The following MAEL variants were observed in gnomAD, a reference collection of about 807,000 sequenced individuals.
MAEL encodes protein maelstrom homolog.
In MAEL, 46 loss-of-function variants were observed where a neutral mutation model predicts 62.0. The observed-to-expected ratio is 0.74, with a 90% confidence interval of 0.59 to 0.95. MAEL has a LOEUF of 0.95. MAEL is among the 40% of genes least tolerant of loss of function. MAEL has a pLI of 0.00. For missense variants in MAEL, 497 were observed against 526.8 expected (o/e 0.94, Z 0.55); for synonymous variants, 172 against 175.5 (o/e 0.98, Z 0.16).
intron 1 of MAEL, 50 bp downstream of exon 1, chr1:166,989,534 G>A (rs1389274523): frequency 5.1e-6 from 8 of 1,562,418 alleles, no homozygotes; most frequent in South Asian, 3.5e-5. Context: ...TGGGCAAGCC[G>A]GAGGGTGAGG....
Position 166,977,384 on chromosome 1 carries a change from C to G in MAEL, c.-121+1718C>G, listed in dbSNP as rs192663686. On this transcript the variant is annotated intron_variant, in intron 1 of 12. Transcript: ENST00000622874. ...TTTCCTTTAGGTTCTAGGCAGAGTT[C>G]TACATGTTTAACAAACCTTCTCATT... 1.4e-4 allele frequency among the ~76,000 whole-genome samples: 21 copies of G among 152,252 alleles called. No homozygotes were observed. The East Asian group carries it at 4.1e-3, about 29-fold the overall frequency.
At chr1:167,005,842 A>G (rs1664871417) in intron 8 of MAEL, 1 of 152,412 alleles carries the variant, frequency 6.6e-6, no homozygotes, top group Admixed American at 6.6e-5. Flanking sequence ...TTTCTTTATA[A>G]TTTTGTTTCT....
chr1:167,005,732 ATTTT>A (rs988041230), intron 8 of MAEL: 10 of 163,350 alleles, frequency 6.1e-5, no homozygotes, highest in South Asian at 4.0e-4. Context: ...TGGCAAAAGT[ATTTT>A]TTATTTTGAG....
chr1:167,004,173 C>T lies in MAEL; in HGVS notation c.524-7C>T. On this transcript the variant is annotated splice_region_variant and splice_polypyrimidine_tract_variant and intron_variant, in intron 5 of 11. Coordinates refer to ENST00000367872, the MANE Select transcript of MAEL (RefSeq NM_032858.3). ...AAGTTTGAACTTCTCCTTTTTATTTCCCTCAGGTGATTCTAGTCACAAGAT... is the reference window on the plus strand; with the variant it reads ...AAGTTTGAACTTCTCCTTTTTATTTTCCTCAGGTGATTCTAGTCACAAGAT... The T allele has an allele frequency of 1.2e-6, 2 of 1,600,126 alleles. No homozygotes were observed. The highest frequency in any genetic ancestry group is 1.7e-6 in the Non-Finnish European group (2 of 1,174,596).
rs911598972 is a variant in MAEL, at chr1:166,989,300, G to A, written c.-53G>A. 17 of 1,571,050 alleles carry A rather than the reference G, an allele frequency of 1.1e-5. No individual in the cohort carries two copies. The African/African-American group carries it at 2.2e-4, about 20-fold the overall frequency. On this transcript the variant is annotated 5_prime_UTR_variant, in exon 1 of 12. Transcript: ENST00000367872. ...CTGTTACTTAGGGCGGGAGCCCGGCGAGGGCGCCGGTGCTTTGTTCTGTCT... is the reference window on the plus strand; with the variant it reads ...CTGTTACTTAGGGCGGGAGCCCGGCAAGGGCGCCGGTGCTTTGTTCTGTCT...
At chr1:167,008,628 C>G (rs528584229) in intron 8 of MAEL, among the ~76,000 whole-genome samples, 12 of 151,764 alleles carry the variant, frequency 7.9e-5, no homozygotes, top group African/African-American at 2.7e-4. Context: ...TGTTGTTGTT[C>G]TTTTTCTAGT....
chr1:167,007,602 TAC>T lies in MAEL; in HGVS notation c.845+2214_845+2215del, dbSNP rs1429121363. ...GTGTGTGTGTGTGTGTGTGTGTATG[TAC>T]ACACACACTCCATATACATCTGTTT... On this transcript the variant is annotated intron_variant, in intron 8 of 11. Coordinates refer to ENST00000367872, the MANE Select transcript of MAEL (RefSeq NM_032858.3). Among the ~76,000 whole-genome samples the T allele has an allele frequency of 2.1e-5, 3 of 142,852 alleles. No individual in the cohort carries two copies. The South Asian group carries it at 6.6e-4, about 32-fold the overall frequency. The allele number at this position is 142,852 out of a possible 152,430, so 93.7% of individuals were successfully genotyped here.
intron 10 of MAEL, among the ~76,000 whole-genome samples, chr1:167,019,062 C>G (rs1235720014): frequency 6.6e-6 from 1 of 152,186 alleles, no homozygotes; most frequent in African/African-American, 2.4e-5. Flanking sequence ...AGACCCTTCT[C>G]TACCCTCCCT....
intron 1 of MAEL, among the ~76,000 whole-genome samples, chr1:166,979,433 T>A (rs1663692790): frequency 6.6e-6 from 1 of 151,612 alleles, no homozygotes; most frequent in East Asian, 1.9e-4. Flanking sequence ...CTAAAAAAAC[T>A]GGAGACTCTA....
chr1:166,989,998 C>G, intron 2 of MAEL, 169 bp downstream of exon 2: 2 of 604,042 alleles, frequency 3.3e-6, no homozygotes, highest in South Asian at 2.1e-5. Flanking sequence ...TTAAAAAAAA[C>G]CAACAGCCTC....
intron 8 of MAEL, among the ~76,000 whole-genome samples, chr1:167,010,862 A>G (rs907502580): frequency 6.6e-6 from 1 of 152,148 alleles, no homozygotes; most frequent in Non-Finnish European, 1.5e-5. Context: ...GGTTTGATTG[A>G]GAGTCTTTTT....
chr1:166,991,124 A>G (rs1459662071), intron 2 of MAEL, among the ~76,000 whole-genome samples: 2 of 152,226 alleles, frequency 1.3e-5, no homozygotes, highest in African/African-American at 4.8e-5. Context: ...ATTACCTTGG[A>G]TAATCAGTAG....
chr1:167,000,701 G>T (rs1246868039), intron 5 of MAEL, among the ~76,000 whole-genome samples: 1 of 152,186 alleles, frequency 6.6e-6, no homozygotes, highest in Non-Finnish European at 1.5e-5. Context: ...TTCATTGTTT[G>T]ATTTTAAGAA....
chr1:167,010,150 A>T (rs916546017), intron 8 of MAEL, among the ~76,000 whole-genome samples: 1 of 152,088 alleles, frequency 6.6e-6, no homozygotes, highest in African/African-American at 2.4e-5. Context: ...AGCATCTGGC[A>T]TTTCCCCTGT....
At chr1:167,018,412 A>C (rs1414525212) in intron 10 of MAEL, among the ~76,000 whole-genome samples, 1 of 152,092 alleles carries the variant, frequency 6.6e-6, no homozygotes, top group African/African-American at 2.4e-5. Context: ...ATAGCAGTTA[A>C]GAGTATGGGC....
intron 5 of MAEL, among the ~76,000 whole-genome samples, chr1:166,996,925 C>T (rs1054471493): frequency 2.6e-5 from 4 of 152,176 alleles, no homozygotes; most frequent in Non-Finnish European, 4.4e-5. Flanking sequence ...CTCCCAGGTT[C>T]AAGTGATTCT....
At chr1:167,008,280 A>G (rs1239584850) in intron 8 of MAEL, among the ~76,000 whole-genome samples, 1 of 152,050 alleles carries the variant, frequency 6.6e-6, no homozygotes, top group Non-Finnish European at 1.5e-5. Flanking sequence ...CAGTTCCTTG[A>G]TAACTTTTTC....
chr1:166,989,977 C>G, intron 2 of MAEL, 148 bp downstream of exon 2: 1 of 643,970 alleles, frequency 1.6e-6, no homozygotes, highest in Non-Finnish European at 2.7e-6. Flanking sequence ...CCCCTGGTGT[C>G]AGAATGCCTG....
At chr1:167,001,267 G>T (rs1048230114) in intron 5 of MAEL, among the ~76,000 whole-genome samples, 3 of 152,156 alleles carry the variant, frequency 2.0e-5, no homozygotes, top group Admixed American at 2.0e-4. Flanking sequence ...GGGCAGAAGG[G>T]TGGGAAGGAG....
Sources: gnomAD v4.1 joint callset for allele counts (sites outside exome capture counted in the v4.1 genomes callset) on GRCh38, gnomAD v4.1.1 for gene constraint, MANE v1.5 for transcripts, NCBI Gene and HGNC (gene_info 2026-07-23, HGNC 2026-07-21) for gene names.